SLC49A4: variants seen among roughly 807,000 people sequenced by gnomAD.
SLC49A4 encodes the protein disrupted in renal cancer protein 2.
A neutral mutation model predicts 50.6 loss-of-function variants in SLC49A4; 36 were observed. The ratio of observed to expected loss-of-function variants is 0.71; its 90% CI spans 0.55 to 0.94. SLC49A4 has a LOEUF of 0.94. SLC49A4 is among the 40% of genes least tolerant of loss of function. SLC49A4 has a pLI of 0.00. For missense variants in SLC49A4, 503 were observed against 605.7 expected (o/e 0.83, Z 1.78); for synonymous variants, 248 against 241.2 (o/e 1.03, Z -0.26).
At chr3:122,813,227 C>T (rs573399035) in intron 2 of SLC49A4, among the ~76,000 whole-genome samples, 101 of 143,184 alleles carry the variant, frequency 7.1e-4, no homozygotes, top group African/African-American at 1.9e-3. Flanking sequence ...GGCGATAGAG[C>T]GAGACTCTGT....
At chr3:122,850,248 C>T (rs538918325) in intron 5 of SLC49A4, among the ~76,000 whole-genome samples, 159 of 152,212 alleles carry the variant, frequency 1.0e-3, no homozygotes, top group Non-Finnish European at 2.0e-3. Flanking sequence ...GCTCCTTTTT[C>T]TAGGATTTGA....
At chr3:122,878,701 T>G (rs1385942104) in intron 8 of SLC49A4, among the ~76,000 whole-genome samples, 2 of 152,220 alleles carry the variant, frequency 1.3e-5, no homozygotes, top group Non-Finnish European at 2.9e-5. Flanking sequence ...ATATTCACAG[T>G]GATCTCTCTG....
At chr3:122,864,610 G>A (rs546623030) in intron 7 of SLC49A4, among the ~76,000 whole-genome samples, 1 of 152,320 alleles carries the variant, frequency 6.6e-6, no homozygotes, top group South Asian at 2.1e-4. Flanking sequence ...ATGCTGGATG[G>A]GGGAGTAAGG....
chr3:122,872,657 TAG>T, intron 8 of SLC49A4, 60 bp downstream of exon 8: 5 of 1,280,258 alleles, frequency 3.9e-6, no homozygotes, highest in Non-Finnish European at 5.4e-6. Flanking sequence ...TTTGGGTCAC[TAG>T]TGTATAGAAG....
intron 3 of SLC49A4, among the ~76,000 whole-genome samples, chr3:122,831,654 A>G (rs898401929): frequency 6.6e-6 from 1 of 152,106 alleles, no homozygotes; most frequent in East Asian, 1.9e-4. Context: ...TGGGTTGTTG[A>G]AAAAATTCTA....
chr3:122,819,692 C>T (rs1936424608), intron 2 of SLC49A4, among the ~76,000 whole-genome samples: 2 of 152,102 alleles, frequency 1.3e-5, no homozygotes, highest in Admixed American at 1.3e-4. Flanking sequence ...TCCTGTCTTC[C>T]TTTTTCCTGT....
At chr3:122,812,313 GC>G (rs1936310642) in intron 2 of SLC49A4, among the ~76,000 whole-genome samples, 1 of 152,122 alleles carries the variant, frequency 6.6e-6, no homozygotes, top group African/African-American at 2.4e-5. Context: ...CCACCTCAGA[GC>G]CTTAATAATA....
intron 7 of SLC49A4, among the ~76,000 whole-genome samples, chr3:122,862,920 T>C (rs1246556249): frequency 6.6e-6 from 1 of 152,220 alleles, no homozygotes; most frequent in Non-Finnish European, 1.5e-5. Context: ...TTGAAAATTA[T>C]TCATCTTTTA....
chr3:122,831,372 A>G (rs983308569), intron 3 of SLC49A4, among the ~76,000 whole-genome samples: 5 of 152,172 alleles, frequency 3.3e-5, no homozygotes, highest in African/African-American at 7.2e-5. Context: ...CCAGATGTCT[A>G]TCTACTGATA....
chr3:122,843,395 A>G (rs73856724), intron 4 of SLC49A4, among the ~76,000 whole-genome samples: 3,751 of 152,064 alleles, frequency 0.025, 144 homozygotes, highest in African/African-American at 0.083. Flanking sequence ...CCAGATGACA[A>G]CTCCATTTCA....
rs1375375711 is a variant in SLC49A4 at position 122,860,096 on chromosome 3, T to C, written c.1032T>C (p.Gly344=). The part of the protein sequence containing the change: ...AMARFADFIR[G]MLKLILLLLF... ...TTAGGTTTGCAGATTTTATCAGGGG[T>C]ATGCTGAAACTAATTCTTCTCCTCC... Residue 344 remains glycine, a synonymous_variant, in exon 7 of 9, where the codon GGT becomes GGC. Transcript: ENST00000261038. The C allele has an allele frequency of 6.2e-6, 10 of 1,611,408 alleles. No homozygotes were observed. Among genetic ancestry groups the C allele is most frequent in the Non-Finnish European group, 8.5e-6 (10 of 1,178,970 alleles).
At chr3:122,827,621 C>G (rs1162529305) in intron 3 of SLC49A4, among the ~76,000 whole-genome samples, 1 of 152,234 alleles carries the variant, frequency 6.6e-6, no homozygotes, top group Non-Finnish European at 1.5e-5. Flanking sequence ...CCCTGGTCCA[C>G]TCTTATAGTA....
chr3:122,872,298 C>G, intron 7 of SLC49A4, 117 bp from the exon 8 acceptor site: 1 of 861,954 alleles, frequency 1.2e-6, no homozygotes, highest in Non-Finnish European at 1.8e-6. Context: ...TTATCAACTA[C>G]CTTTGAAAAG....
chr3:122,802,705 C>G (rs527976351), intron 1 of SLC49A4, among the ~76,000 whole-genome samples: 1 of 152,104 alleles, frequency 6.6e-6, no homozygotes, highest in African/African-American at 2.4e-5. Context: ...CATTGAACTT[C>G]TAGAAATGAA....
At chr3:122,796,002 G>C (rs1936032332) in intron 1 of SLC49A4, among the ~76,000 whole-genome samples, 1 of 152,212 alleles carries the variant, frequency 6.6e-6, no homozygotes, top group African/African-American at 2.4e-5. Context: ...CCCAGGAAGA[G>C]CTATTGGGAA....
intron 2 of SLC49A4, among the ~76,000 whole-genome samples, chr3:122,818,013 T>C (rs775099650): frequency 3.3e-5 from 5 of 152,146 alleles, no homozygotes; most frequent in Non-Finnish European, 7.4e-5. Context: ...GTATATTTCC[T>C]AAGATCTAGA....
rs71621693 is a variant in SLC49A4 at position 122,824,730 on chromosome 3, C to CTTT, written c.438-2052_438-2050dup. Among the ~76,000 whole-genome samples the CTTT allele has an allele frequency of 2.3e-3, 187 of 82,896 alleles. 1 individual carries two copies. The highest frequency in any genetic ancestry group is 0.01 in the East Asian group (29 of 2,880). The allele number at this position is 82,896 out of a possible 152,430, so 54.4% of individuals were successfully genotyped here. A position where few individuals can be genotyped will look rare whatever the true frequency, so the allele number is the denominator to read the frequency against. ...TCCTTTCCTTTCTTTTTTTTTCCTTCTTTTTTTTTTTTTTTTTTTTGAGAC... is the reference window on the plus strand; with the variant it reads ...TCCTTTCCTTTCTTTTTTTTTCCTTCTTTTTTTTTTTTTTTTTTTTTTTGAGAC... On this transcript the variant is annotated intron_variant, in intron 2 of 8. Transcript: ENST00000261038.
chr3:122,863,920 A>G (rs1375390235), intron 7 of SLC49A4, among the ~76,000 whole-genome samples: 4 of 151,836 alleles, frequency 2.6e-5, no homozygotes, highest in Admixed American at 1.3e-4. Flanking sequence ...AGACAGTCTC[A>G]CTCTGTCACC....
At chr3:122,820,531 T>G (rs766179384) in intron 2 of SLC49A4, among the ~76,000 whole-genome samples, 1 of 152,246 alleles carries the variant, frequency 6.6e-6, no homozygotes, top group Non-Finnish European at 1.5e-5. Flanking sequence ...AAGGTTAGGA[T>G]ACCAGAATAT....
Sources: allele counts gnomAD v4.1 joint callset (sites outside exome capture counted in the v4.1 genomes callset), GRCh38; gene constraint gnomAD v4.1.1; transcripts MANE v1.5; gene names NCBI Gene and HGNC (gene_info 2026-07-23, HGNC 2026-07-21).